CACNA2D1: variants seen among roughly 807,000 people sequenced by gnomAD.
CACNA2D1 encodes the protein voltage-dependent calcium channel subunit alpha-2/delta-1.
A neutral mutation model predicts 171.5 loss-of-function variants in CACNA2D1; 53 were observed. The ratio of observed to expected loss-of-function variants is 0.31; its 90% CI spans 0.25 to 0.39. The LOEUF is 0.39. Among genes scored for constraint, CACNA2D1 ranks in the 10% least tolerant of loss-of-function variants. CACNA2D1 has a pLI of 1.00. For synonymous variants in CACNA2D1, 442 were observed against 443.1 expected, an observed-to-expected ratio of 1.00 and a Z score of 0.03; for missense variants, 903 against 1,299.8, an observed-to-expected ratio of 0.69 and a Z score of 4.69.
rs10236449 is a variant in CACNA2D1, at chr7:81,978,180, G to A, written c.1956-3628C>T. On this transcript the variant is annotated intron_variant, in intron 24 of 38. Coordinates refer to ENST00000356860, the MANE Select transcript of CACNA2D1 (RefSeq NM_000722.4). ...CAACCATTGTGGAAGACAGTGTGGC[G>A]ATTCCTCAAGGATCTAGAACCAGAA... Among the ~76,000 whole-genome samples the A allele has an allele frequency of 9.7e-3, 1,474 of 152,248 alleles. 24 individuals carry two copies. The highest frequency in any genetic ancestry group is 0.034 in the African/African-American group (1,409 of 41,516).
intron 3 of CACNA2D1, among the ~76,000 whole-genome samples, chr7:82,189,689 A>G (rs1269202227): frequency 1.3e-5 from 2 of 151,894 alleles, no homozygotes; most frequent in Non-Finnish European, 2.9e-5. Context: ...ATACTGTGGA[A>G]TAATGGAAGA....
intron 6 of CACNA2D1, among the ~76,000 whole-genome samples, chr7:82,085,358 C>T (rs1238869674): frequency 6.6e-6 from 1 of 152,040 alleles, no homozygotes; most frequent in Non-Finnish European, 1.5e-5. Flanking sequence ...TTGAGAACTA[C>T]TGTGACACAT....
At chr7:82,345,059 T>C (rs1173809612) in intron 2 of CACNA2D1, among the ~76,000 whole-genome samples, 1 of 152,170 alleles carries the variant, frequency 6.6e-6, no homozygotes, top group African/African-American at 2.4e-5. Flanking sequence ...TGATTAATTG[T>C]GCTCTGTTTT....
intron 3 of CACNA2D1, among the ~76,000 whole-genome samples, chr7:82,324,811 A>T (rs1332606946): frequency 6.6e-6 from 1 of 152,188 alleles, no homozygotes; most frequent in East Asian, 1.9e-4. Flanking sequence ...AGTGGAAGAA[A>T]ATAGAGCGTT....
chr7:82,397,238 A>T (rs1202943105), intron 1 of CACNA2D1, among the ~76,000 whole-genome samples: 1 of 152,138 alleles, frequency 6.6e-6, no homozygotes, highest in Non-Finnish European at 1.5e-5. Context: ...TCACATGTAT[A>T]ACCTGTATCA....
chr7:82,069,655 C>T (rs576188889), intron 7 of CACNA2D1, among the ~76,000 whole-genome samples: 7 of 152,014 alleles, frequency 4.6e-5, no homozygotes, highest in South Asian at 2.1e-4. Flanking sequence ...TGAGAAAGTA[C>T]GCAGATTTTA....
intron 6 of CACNA2D1, among the ~76,000 whole-genome samples, chr7:82,087,955 G>A (rs1810672077): frequency 1.3e-5 from 2 of 152,000 alleles, no homozygotes; most frequent in Admixed American, 6.6e-5. Context: ...CATTTCCATT[G>A]TATTTATACA....
At chr7:82,095,385 T>G (rs770455289) in intron 6 of CACNA2D1, among the ~76,000 whole-genome samples, 1 of 152,132 alleles carries the variant, frequency 6.6e-6, no homozygotes, top group Non-Finnish European at 1.5e-5. Flanking sequence ...GTGTGTGCCT[T>G]CTATTATACT....
Position 81,961,989 on chromosome 7 carries a change from C to T in CACNA2D1, c.2871G>A (p.Leu957=). 2 of 1,612,392 alleles carry T rather than the reference C, an allele frequency of 1.2e-6. No individual in the cohort carries two copies. The highest frequency in any genetic ancestry group is 8.5e-7 in the Non-Finnish European group (1 of 1,178,994). The change falls in exon 36 of 39, where the codon CTG becomes CTA. Residue 957 remains leucine, a synonymous_variant. Coordinates refer to ENST00000356860, the MANE Select transcript of CACNA2D1 (RefSeq NM_000722.4). Reference sequence around the variant, plus strand: ...GTTCAGTAATGCAGCTCTGCTTGGACAGGGAGGCCGTGAAGTCATCATCCT... The same window carrying T: ...GTTCAGTAATGCAGCTCTGCTTGGATAGGGAGGCCGTGAAGTCATCATCCT... ...EMEDDDFTAS[L]SKQSCITEQT... is the part of the protein sequence containing the mutation.
chr7:82,000,313 C>G (rs1025921475), intron 18 of CACNA2D1, among the ~76,000 whole-genome samples: 2 of 151,868 alleles, frequency 1.3e-5, no homozygotes, highest in African/African-American at 2.4e-5. Context: ...AGGCCTGGTC[C>G]CATCACTGCC....
intron 4 of CACNA2D1, among the ~76,000 whole-genome samples, chr7:82,153,220 T>G (rs1284676359): frequency 6.6e-6 from 1 of 151,860 alleles, no homozygotes; most frequent in Non-Finnish European, 1.5e-5. Flanking sequence ...TTTTGAAGTT[T>G]TCTTGCCACC....
At chr7:82,202,216 G>A (rs147985080) in intron 3 of CACNA2D1, among the ~76,000 whole-genome samples, 147 of 152,302 alleles carry the variant, frequency 9.7e-4, no homozygotes, top group African/African-American at 3.0e-3. Context: ...GCACCCAGGC[G>A]CGTACCCATG....
At chr7:82,330,494 C>A (rs1817181306) in intron 3 of CACNA2D1, among the ~76,000 whole-genome samples, 1 of 151,970 alleles carries the variant, frequency 6.6e-6, no homozygotes, top group African/African-American at 2.4e-5. Flanking sequence ...AAGAAAACAA[C>A]CAGCTACATT....
At chr7:82,290,206 G>A (rs1226039817) in intron 3 of CACNA2D1, among the ~76,000 whole-genome samples, 2 of 152,114 alleles carry the variant, frequency 1.3e-5, no homozygotes, top group South Asian at 2.1e-4. Flanking sequence ...GCGAAAGGAA[G>A]ACTAAAGGAC....
intron 1 of CACNA2D1, among the ~76,000 whole-genome samples, chr7:82,385,660 G>GTTTTGTTGTTTCTTGTTGTTTTTT (rs1563469464): frequency 6.6e-6 from 1 of 151,846 alleles, no homozygotes; most frequent in East Asian, 1.9e-4. Context: ...GTTTTGTTTT[G>GTTTTGTTGTTTCTTGTTGTTTTTT]TTTTGTTTTG....
intron 10 of CACNA2D1, among the ~76,000 whole-genome samples, chr7:82,054,072 T>A (rs981879090): frequency 7.2e-5 from 11 of 152,210 alleles, no homozygotes; most frequent in Non-Finnish European, 1.3e-4. Context: ...ATATTTTTTT[T>A]AGGAAAATCA....
intron 34 of CACNA2D1, 97 bp from the exon 35 acceptor site, chr7:81,962,592 G>A: frequency 2.6e-6 from 2 of 757,028 alleles, no homozygotes; most frequent in African/African-American, 1.8e-5. Context: ...TTATCTTTTT[G>A]GGAAAGAAAG....
intron 1 of CACNA2D1, among the ~76,000 whole-genome samples, chr7:82,394,352 A>G (rs574209333): frequency 6.6e-6 from 1 of 152,272 alleles, no homozygotes; most frequent in African/African-American, 2.4e-5. Flanking sequence ...TGGGAGAAAG[A>G]AAAGACGAAA....
chr7:82,375,495 T>G (rs1411484379), intron 1 of CACNA2D1, among the ~76,000 whole-genome samples: 1 of 152,150 alleles, frequency 6.6e-6, no homozygotes, highest in Non-Finnish European at 1.5e-5. Context: ...TCTAACCTCT[T>G]CTCATACAAA....
Sources: gnomAD v4.1 joint callset for allele counts (sites outside exome capture counted in the v4.1 genomes callset) on GRCh38, gnomAD v4.1.1 for gene constraint, MANE v1.5 for transcripts, NCBI Gene and HGNC (gene_info 2026-07-23, HGNC 2026-07-21) for gene names.